SLC4A4: variants seen among roughly 807,000 people sequenced by gnomAD.
SLC4A4 encodes electrogenic sodium bicarbonate cotransporter 1.
A neutral mutation model predicts 111.5 loss-of-function variants in SLC4A4; 27 were observed. The observed-to-expected ratio is 0.24, with a 90% CI of 0.18 to 0.33. The LOEUF (loss-of-function observed/expected upper bound fraction) is 0.33. SLC4A4 is among the 10% of genes least tolerant of loss of function. The pLI is 1.00. For missense variants in SLC4A4, 909 were observed against 1,315.5 expected, an observed-to-expected ratio of 0.69 and a Z score of 4.78; for synonymous variants, 443 against 463.4, an observed-to-expected ratio of 0.96 and a Z score of 0.57.
intron 3 of SLC4A4, chr4:71,300,758 G>T: frequency 2.7e-6 from 1 of 372,528 alleles, no homozygotes; most frequent in Non-Finnish European, 5.4e-6. Context: ...AGGTCTTACA[G>T]GCCATCTGGT....
intron 2 of SLC4A4, among the ~76,000 whole-genome samples, chr4:71,180,943 T>A: frequency 6.6e-6 from 1 of 152,028 alleles, no homozygotes; most frequent in East Asian, 1.9e-4. Flanking sequence ...CTATTCACAA[T>A]AGCAAAGACT....
intron 14 of SLC4A4, among the ~76,000 whole-genome samples, chr4:71,486,378 G>A (rs1011242262): frequency 8.6e-5 from 13 of 151,210 alleles, no homozygotes; most frequent in Middle Eastern, 3.4e-3. Flanking sequence ...TATAAATGAC[G>A]CCACATTATA....
At chr4:71,499,821 C>A (rs1730744251) in intron 16 of SLC4A4, among the ~76,000 whole-genome samples, 1 of 152,060 alleles carries the variant, frequency 6.6e-6, no homozygotes, top group Non-Finnish European at 1.5e-5. Flanking sequence ...TTTCTTTATT[C>A]ATCTGTTGAT....
intron 21 of SLC4A4, among the ~76,000 whole-genome samples, chr4:71,557,162 A>G (rs939919571): frequency 1.3e-5 from 2 of 152,068 alleles, no homozygotes; most frequent in Admixed American, 6.6e-5. Context: ...TGCTGAGTGT[A>G]TTAGTCAAAG....
intron 2 of SLC4A4, among the ~76,000 whole-genome samples, chr4:71,243,261 C>T (rs540548948): frequency 2.3e-4 from 35 of 152,246 alleles, no homozygotes; most frequent in South Asian, 4.1e-4. Flanking sequence ...CCCTTGTCTG[C>T]CACATAGACT....
chr4:71,399,940 A>G (rs923566530), intron 7 of SLC4A4, among the ~76,000 whole-genome samples: 1 of 152,188 alleles, frequency 6.6e-6, no homozygotes, highest in African/African-American at 2.4e-5. Context: ...ATATGGGTAC[A>G]TTGGTAGATA....
intron 2 of SLC4A4, among the ~76,000 whole-genome samples, chr4:71,120,373 T>C (rs1743380613): frequency 6.6e-6 from 1 of 152,166 alleles, no homozygotes; most frequent in African/African-American, 2.4e-5. Flanking sequence ...CCTTTGGAAC[T>C]CCAGCTTACT....
At chr4:71,395,428 A>T (rs1038261124) in intron 6 of SLC4A4, among the ~76,000 whole-genome samples, 4 of 152,214 alleles carry the variant, frequency 2.6e-5, no homozygotes, top group Admixed American at 1.3e-4. Context: ...ATTTCTTAAT[A>T]CTAGTCTTCT....
chr4:71,482,427 A>G (rs2149124627), intron 14 of SLC4A4, among the ~76,000 whole-genome samples: 2 of 151,726 alleles, frequency 1.3e-5, no homozygotes, highest in Middle Eastern at 3.4e-3. Context: ...AATGAGCAGA[A>G]TTGATGCTTA....
intron 3 of SLC4A4, among the ~76,000 whole-genome samples, chr4:71,296,072 A>T (rs1283905842): frequency 6.6e-6 from 1 of 152,114 alleles, no homozygotes; most frequent in African/African-American, 2.4e-5. Context: ...ATACAGTGAT[A>T]CAATGGTCCA....
At chr4:71,395,031 C>G (rs922672826) in intron 6 of SLC4A4, among the ~76,000 whole-genome samples, 1 of 152,054 alleles carries the variant, frequency 6.6e-6, no homozygotes, top group Non-Finnish European at 1.5e-5. Flanking sequence ...ACAGAACTTA[C>G]GTAGCCAAAT....
chr4:71,111,634 G>A (rs1032542944), intron 2 of SLC4A4, among the ~76,000 whole-genome samples: 16 of 135,932 alleles, frequency 1.2e-4, no homozygotes, highest in Non-Finnish European at 2.0e-4. Flanking sequence ...CACCCCACCC[G>A]CCTTGGCCTC....
At chr4:71,481,477 A>C (rs558138068) in intron 14 of SLC4A4, among the ~76,000 whole-genome samples, 4 of 151,820 alleles carry the variant, frequency 2.6e-5, no homozygotes, top group African/African-American at 9.6e-5. Flanking sequence ...CAACACTGAC[A>C]CATGGATGTC....
intron 1 of SLC4A4, among the ~76,000 whole-genome samples, chr4:71,086,770 A>G (rs552305569): frequency 6.6e-6 from 1 of 152,030 alleles, no homozygotes; most frequent in Non-Finnish European, 1.5e-5. Flanking sequence ...TGATCGTGGT[A>G]GATAAGCTTC....
chr4:71,555,816 C>G (rs1736422458), intron 21 of SLC4A4, among the ~76,000 whole-genome samples: 1 of 151,852 alleles, frequency 6.6e-6, no homozygotes, highest in Non-Finnish European at 1.5e-5. Flanking sequence ...GTGAAAGGTT[C>G]ACTTGAACCT....
rs571012890 is a variant in SLC4A4 at position 71,414,800 on chromosome 4, A to G, written c.807+17147A>G. On this transcript the variant is annotated intron_variant, in intron 7 of 25. Coordinates refer to ENST00000264485, the MANE Select transcript of SLC4A4 (RefSeq NM_001098484.3). ...GTTTGTGGGGCAGAAAGAATAAAAG[A>G]AATCCTATGTTTAGCATCTCTTTTT... Among the ~76,000 whole-genome samples the G allele has an allele frequency of 3.3e-5, 5 of 152,352 alleles. No homozygotes were observed. The East Asian group carries it at 9.6e-4, about 29-fold the overall frequency.
intron 16 of SLC4A4, among the ~76,000 whole-genome samples, chr4:71,501,568 T>G (rs1488195499): frequency 6.6e-6 from 1 of 151,278 alleles, no homozygotes; most frequent in African/African-American, 2.4e-5. Flanking sequence ...TTTATTTCAG[T>G]CTTCTTTTTT....
At chr4:71,417,629 C>T (rs1721940576) in intron 7 of SLC4A4, among the ~76,000 whole-genome samples, 1 of 152,140 alleles carries the variant, frequency 6.6e-6, no homozygotes, top group South Asian at 2.1e-4. Context: ...TTTATTTGGT[C>T]TTCTCCTTTC....
rs1410369401 is a variant in SLC4A4 at position 71,143,034 on chromosome 4, G to C, written c.-2+50242G>C. ...ACATATGTATACATGTGCCATGTTG[G>C]TGTGCTGCACCCAGTAACTCGTCAT... On this transcript the variant is annotated intron_variant, in intron 2 of 26. Coordinates refer to the SLC4A4 transcript ENST00000649996. 1.1e-4 allele frequency among the ~76,000 whole-genome samples: 17 copies of C among 151,922 alleles called. No individual in the cohort carries two copies. The East Asian group carries it at 3.1e-3, about 28-fold the overall frequency.
Sources: allele counts gnomAD v4.1 joint callset (sites outside exome capture counted in the v4.1 genomes callset), GRCh38; gene constraint gnomAD v4.1.1; transcripts MANE v1.5; gene names NCBI Gene and HGNC (gene_info 2026-07-23, HGNC 2026-07-21).